TIMM22: variants seen among roughly 807,000 people sequenced by gnomAD.
TIMM22 encodes the protein translocase of inner mitochondrial membrane 22.
Under a neutral mutation model 18.3 loss-of-function variants are expected in TIMM22, and 12 were observed. The ratio of observed to expected loss-of-function variants is 0.65; its 90% CI spans 0.42 to 1.06. The LOEUF is 1.06. Ranked by LOEUF, TIMM22 falls within the 50% of genes least tolerant of loss-of-function variation. The pLI is 0.00. For synonymous variants in TIMM22, 107 were observed against 98.5 expected (o/e 1.09, Z -0.51); for missense variants, 278 against 252.8 (o/e 1.10, Z -0.68).
rs57081954 is a variant in TIMM22 at position 999,323 on chromosome 17, C to CTATATATATA, written c.436-162_436-153dup. 5.0e-3 allele frequency among the ~76,000 whole-genome samples: 596 copies of CTATATATATA among 120,334 alleles called. 10 individuals are homozygous for CTATATATATA. Among genetic ancestry groups the CTATATATATA allele is most frequent in the African/African-American group, 0.013 (352 of 26,636 alleles). The allele number at this position is 120,334 out of a possible 152,430, so 78.9% of individuals were successfully genotyped here. ...TGCAGGAAGCATCTATGAACGCATA[C>CTATATATATA]TATATATATATATATATATATATAT... On this transcript the variant is annotated intron_variant, in intron 2 of 3. Coordinates refer to ENST00000327158, the MANE Select transcript of TIMM22 (RefSeq NM_013337.4).
At chr17:999,332 T>TATATATATATATA (rs1480791124) in intron 2 of TIMM22, among the ~76,000 whole-genome samples, 180 bp from the exon 3 acceptor site, 1 of 117,194 alleles carries the variant, frequency 8.5e-6, no homozygotes, top group East Asian at 3.5e-4. Flanking sequence ...ACTATATATA[T>TATATATATATATA]ATATATATAT....
At chr17:999,119 A>G (rs964192225) in intron 2 of TIMM22, 144 bp downstream of exon 2, 1 of 837,306 alleles carries the variant, frequency 1.2e-6, no homozygotes, top group Non-Finnish European at 1.8e-6. Context: ...TTGAACTTCC[A>G]TAAAATAGTC....
Position 1,001,070 on chromosome 17 carries a change from T to C in TIMM22, c.567T>C (p.Ile189=). 6.2e-7 allele frequency: 1 copy of C among 1,613,934 alleles called. No homozygotes were observed. ...CGGFAAFSAA[I]DYYLR is the part of the protein sequence containing the mutation. ...GTTTTGCTGCTTTCTCTGCTGCGAT[T>C]GATTATTACCTCCGGTGAGAGTAAT... Residue 189 remains isoleucine, a synonymous_variant, in exon 4 of 4, where the codon ATT becomes ATC. Transcript: ENST00000327158.
At chr17:998,475 T>C (rs1192395667) in intron 1 of TIMM22, among the ~76,000 whole-genome samples, 1 of 152,178 alleles carries the variant, frequency 6.6e-6, no homozygotes, top group Non-Finnish European at 1.5e-5. Flanking sequence ...GCAAAGTTGA[T>C]AGCTGAAGTT....
chr17:1,000,270 T>C (rs1443539572), intron 3 of TIMM22, among the ~76,000 whole-genome samples: 1 of 151,898 alleles, frequency 6.6e-6, no homozygotes, highest in Non-Finnish European at 1.5e-5. Context: ...TTGGGGATTC[T>C]GATTTCTACC....
In TIMM22 at chr17:1,001,063, C is replaced by A; in HGVS notation, c.560C>A (p.Ala187Asp). 1 of 1,614,018 alleles carries A rather than the reference C, an allele frequency of 6.2e-7. No homozygotes were observed. Among genetic ancestry groups the A allele is most frequent in the Non-Finnish European group, 8.5e-7 (1 of 1,179,994 alleles). ...IGCGGFAAFS[A>D]AIDYYLR ...TGTGGAGGTTTTGCTGCTTTCTCTG[C>A]TGCGATTGATTATTACCTCCGGTGA... The change falls in exon 4 of 4, where the codon GCT (alanine) becomes GAT (aspartate). Residue 187 changes from alanine to aspartate, a missense_variant. Coordinates refer to ENST00000327158, the MANE Select transcript of TIMM22 (RefSeq NM_013337.4).
intron 2 of TIMM22, among the ~76,000 whole-genome samples, 156 bp from the exon 3 acceptor site, chr17:999,356 T>TATATATATATATATATAC (rs1567539415): frequency 5.3e-5 from 6 of 113,900 alleles, no homozygotes; most frequent in Non-Finnish European, 9.3e-5. Flanking sequence ...TATATATATA[T>TATATATATATATATATAC]ATACACGCTG....
rs1369847629 is a variant in TIMM22, at chr17:1,002,093, G to A, written c.*1005G>A. ...TCAAGGAAGTGTTTTAACATGTCGTGTTTTCGACTTGACCTTGTGGTATTT... is the reference window on the plus strand; with the variant it reads ...TCAAGGAAGTGTTTTAACATGTCGTATTTTCGACTTGACCTTGTGGTATTT... On this transcript the variant is annotated 3_prime_UTR_variant, in exon 4 of 4. Coordinates refer to ENST00000327158, the MANE Select transcript of TIMM22 (RefSeq NM_013337.4). The A allele has an allele frequency of 6.6e-6, 1 of 150,890 alleles. No homozygotes were observed. The highest frequency in any genetic ancestry group is 1.5e-5 in the Non-Finnish European group (1 of 67,916). The allele number at this position is 150,890 out of a possible 1,614,324, so 9.3% of individuals were successfully genotyped here. A position where few individuals can be genotyped will look rare whatever the true frequency, so the allele number is the denominator to read the frequency against.
At chr17:999,119 A>T in intron 2 of TIMM22, 144 bp downstream of exon 2, 1 of 837,306 alleles carries the variant, frequency 1.2e-6, no homozygotes, top group African/African-American at 1.7e-5. Context: ...TTGAACTTCC[A>T]TAAAATAGTC....
rs1465480733 is a variant in TIMM22, at chr17:1,001,653, T to TTTTA, written c.*569_*572dup. 3.9e-5 allele frequency: 6 copies of TTTTA among 152,754 alleles called. No individual in the cohort carries two copies. Among genetic ancestry groups the TTTTA allele is most frequent in the African/African-American group, 1.4e-4 (6 of 41,440 alleles). The allele number at this position is 152,754 out of a possible 1,614,324, so 9.5% of individuals were successfully genotyped here. A position where few individuals can be genotyped will look rare whatever the true frequency, so the allele number is the denominator to read the frequency against. ...AGTTCAAAAGGTTGGTTTATTTGTA[T>TTTTA]TTTATTTTCAAATTCCCTATTCCAA... On this transcript the variant is annotated 3_prime_UTR_variant, in exon 4 of 4. Coordinates refer to ENST00000327158, the MANE Select transcript of TIMM22 (RefSeq NM_013337.4).
At chr17:1,000,068 T>TTTTTATTTC (rs777630727) in intron 3 of TIMM22, among the ~76,000 whole-genome samples, 1 of 151,470 alleles carries the variant, frequency 6.6e-6, no homozygotes, top group African/African-American at 2.4e-5. Flanking sequence ...CTCAGCTAAT[T>TTTTTATTTC]TTTATTTTTT....
rs1013096004 is a variant in TIMM22, at chr17:1,003,087, G to A, written c.*1999G>A. 3 of 152,112 alleles carry A rather than the reference G, an allele frequency of 2.0e-5. No homozygotes were observed. Among genetic ancestry groups the A allele is most frequent in the Non-Finnish European group, 4.4e-5 (3 of 68,034 alleles). The allele number at this position is 152,112 out of a possible 1,614,324, so 9.4% of individuals were successfully genotyped here. A position where few individuals can be genotyped will look rare whatever the true frequency, so the allele number is the denominator to read the frequency against. On this transcript the variant is annotated 3_prime_UTR_variant, in exon 4 of 4. Coordinates refer to ENST00000327158, the MANE Select transcript of TIMM22 (RefSeq NM_013337.4). ...CTCTCAAAGGGAGGGTGGGCCCTCGGAGACCCAGCTTCTCTGACAAGCAGA... is the reference window on the plus strand; with the variant it reads ...CTCTCAAAGGGAGGGTGGGCCCTCGAAGACCCAGCTTCTCTGACAAGCAGA...
At position 999,515 on chromosome 17, in the gene TIMM22, C is replaced by G; in HGVS notation, c.439C>G (p.Arg147Gly). 1 of 1,613,278 alleles carries G rather than the reference C, an allele frequency of 6.2e-7. No individual in the cohort carries two copies. Among genetic ancestry groups the G allele is most frequent in the South Asian group, 1.1e-5 (1 of 90,934 alleles). Residue 147 changes from arginine to glycine, a missense_variant, in exon 3 of 4, where the codon CGG (arginine) becomes GGG (glycine). Physicochemically the swap from Arg to Gly is moderately radical, Grantham distance 125 (BLOSUM62 -2). Transcript: ENST00000327158. The stretch of plus-strand genomic sequence containing the variant: ...ACGTGTACTTCCCTGCCCACAGTAC[C>G]GGGGAACATCAGACTGGAAGAACAG... The part of the protein sequence containing the change: ...SCTECLIESY[R>G]GTSDWKNSVI...
Position 999,515 on chromosome 17 carries a change from C to T in TIMM22, c.439C>T (p.Arg147Trp), listed in dbSNP as rs749144989. The change falls in exon 3 of 4, where the codon CGG (arginine) becomes TGG (tryptophan). Residue 147 changes from arginine to tryptophan, a missense_variant. Arg to Trp is a moderately radical substitution (Grantham distance 101). Coordinates refer to ENST00000327158, the MANE Select transcript of TIMM22 (RefSeq NM_013337.4). Reference sequence around the variant, plus strand: ...ACGTGTACTTCCCTGCCCACAGTACCGGGGAACATCAGACTGGAAGAACAG... The same window carrying T: ...ACGTGTACTTCCCTGCCCACAGTACTGGGGAACATCAGACTGGAAGAACAG... Reference protein sequence around the residue: ...SCTECLIESYRGTSDWKNSVI... With the variant: ...SCTECLIESYWGTSDWKNSVI... 15 of 1,613,164 alleles carry T rather than the reference C, an allele frequency of 9.3e-6. No homozygotes were observed. Among genetic ancestry groups the T allele is most frequent in the Middle Eastern group, 1.6e-4 (1 of 6,084 alleles).
Position 998,810 on chromosome 17 carries a change from T to A in TIMM22, c.270T>A (p.Phe90Leu). 4 of 1,613,998 alleles carry A rather than the reference T, an allele frequency of 2.5e-6. No homozygotes were observed. The highest frequency in any genetic ancestry group is 3.4e-6 in the Non-Finnish European group (4 of 1,179,922). Reference sequence around the variant, plus strand: ...TCTTAGGAGGTGCATTTGGGGTGTTTACCGCTGGCATCGATACCAACGTGG... The same window carrying A: ...TCTTAGGAGGTGCATTTGGGGTGTTAACCGCTGGCATCGATACCAACGTGG... ...GFVLGGAFGV[F>L]TAGIDTNVGF... Residue 90 changes from phenylalanine (F) to leucine (L), a missense_variant, in exon 2 of 4, where the codon TTT becomes TTA. By Grantham distance (22) the Phe-to-Leu change is conservative. Coordinates refer to ENST00000327158, the MANE Select transcript of TIMM22 (RefSeq NM_013337.4).
rs1247930952 is a variant in TIMM22, at chr17:1,001,749, A to T, written c.*661A>T. 1.3e-5 allele frequency: 2 copies of T among 152,482 alleles called. No individual in the cohort carries two copies. Among genetic ancestry groups the T allele is most frequent in the Non-Finnish European group, 2.9e-5 (2 of 68,338 alleles). 9.4% of individuals were successfully genotyped at this position (152,482 alleles called of 1,614,324 possible). A position where few individuals can be genotyped will look rare whatever the true frequency, so the allele number is the denominator to read the frequency against. Reference sequence around the variant, plus strand: ...GAGAAAGCTCCCAGGGAAGCGGGGGATGGGGCGCTGAGGCAGGGTTGTTAG... The same window carrying T: ...GAGAAAGCTCCCAGGGAAGCGGGGGTTGGGGCGCTGAGGCAGGGTTGTTAG... On this transcript the variant is annotated 3_prime_UTR_variant, in exon 4 of 4. Transcript: ENST00000327158.
chr17:998,037 A>G (rs1469952072), intron 1 of TIMM22, among the ~76,000 whole-genome samples: 5 of 152,220 alleles, frequency 3.3e-5, no homozygotes, highest in Non-Finnish European at 5.9e-5. Context: ...GGAAATGCAC[A>G]TGCAGACGAC....
rs2069811771 is a variant in TIMM22 at position 1,003,576 on chromosome 17, G to T, written c.*2488G>T. ...TTTTATTAACATTTTCCTCTCACGT[G>T]GTTTACATCAATTTATAATAATCTA... On this transcript the variant is annotated 3_prime_UTR_variant, in exon 4 of 4. Transcript: ENST00000327158. The T allele has an allele frequency of 6.6e-6, 1 of 152,406 alleles. No individual in the cohort carries two copies. Among genetic ancestry groups the T allele is most frequent in the South Asian group, 2.1e-4 (1 of 4,816 alleles). 9.4% of individuals were successfully genotyped at this position (152,406 alleles called of 1,614,324 possible). A position where few individuals can be genotyped will look rare whatever the true frequency, so the allele number is the denominator to read the frequency against.
rs1401469427 is a variant in TIMM22 at position 1,003,577 on chromosome 17, G to A, written c.*2489G>A. On this transcript the variant is annotated 3_prime_UTR_variant, in exon 4 of 4. Transcript: ENST00000327158. ...TTTATTAACATTTTCCTCTCACGTG[G>A]TTTACATCAATTTATAATAATCTAC... The A allele has an allele frequency of 6.6e-6, 1 of 152,488 alleles. No homozygotes were observed. The highest frequency in any genetic ancestry group is 2.4e-5 in the African/African-American group (1 of 41,378). 9.4% of individuals were successfully genotyped at this position (152,488 alleles called of 1,614,324 possible). A position where few individuals can be genotyped will look rare whatever the true frequency, so the allele number is the denominator to read the frequency against.
Sources: allele counts gnomAD v4.1 joint callset (sites outside exome capture counted in the v4.1 genomes callset), GRCh38; gene constraint gnomAD v4.1.1; transcripts MANE v1.5; gene names NCBI Gene and HGNC (gene_info 2026-07-23, HGNC 2026-07-21).